FNDC1: variants seen among roughly 807,000 people sequenced by gnomAD.
FNDC1 encodes fibronectin type III domain-containing protein 1.
FNDC1 carries 96 observed loss-of-function variants against 168.0 expected under a neutral mutation model. The observed-to-expected ratio is 0.57, with a 90% CI of 0.48 to 0.68. The LOEUF (loss-of-function observed/expected upper bound fraction) is 0.68. Among genes scored for constraint, FNDC1 ranks in the 30% least tolerant of loss-of-function variants. The probability of loss-of-function intolerance (pLI) is 0.00; values close to 1 mark genes in which losing one functional copy is unlikely to be tolerated. For missense variants in FNDC1, 2,587 were observed against 2,482.1 expected, an observed-to-expected ratio of 1.04 and a Z score of -0.90; for synonymous variants, 1,099 against 1,025.9, an observed-to-expected ratio of 1.07 and a Z score of -1.36.
chr6:159,267,735 CA>C (rs957468521), intron 21 of FNDC1, 68 bp from the exon 22 acceptor site: 14 of 1,574,440 alleles, frequency 8.9e-6, no homozygotes, highest in African/African-American at 4.1e-5. Flanking sequence ...AAAGCTTGTG[CA>C]AAAAAACTCC....
chr6:159,266,347 G>C (rs1385768514), intron 21 of FNDC1, 102 bp downstream of exon 21: 2 of 1,207,002 alleles, frequency 1.7e-6, no homozygotes, highest in Non-Finnish European at 2.4e-6. Context: ...ATGAGGGCTG[G>C]AGCTACGACT....
At position 159,180,842 on chromosome 6, in the gene FNDC1, A is replaced by G. The variant is rs1431311071; in HGVS notation, c.109+11137A>G. On this transcript the variant is annotated intron_variant, in intron 1 of 22. Coordinates refer to ENST00000297267, the MANE Select transcript of FNDC1 (RefSeq NM_032532.3). Reference sequence around the variant, plus strand: ...CCTTCTTATGGCTGCATAGTACTCCATGGTGTATATGTCCCGCATTTTAAA... The same window carrying G: ...CCTTCTTATGGCTGCATAGTACTCCGTGGTGTATATGTCCCGCATTTTAAA... Among the ~76,000 whole-genome samples, 3 of 152,284 alleles carry G rather than the reference A, an allele frequency of 2.0e-5. No homozygotes were observed. In the East Asian group the frequency reaches 5.8e-4, roughly 29 times the overall value.
intron 4 of FNDC1, among the ~76,000 whole-genome samples, 164 bp downstream of exon 4, chr6:159,200,745 A>G (rs992593929): frequency 6.6e-6 from 1 of 152,208 alleles, no homozygotes; most frequent in African/African-American, 2.4e-5. Flanking sequence ...TCTGCATCCA[A>G]TGAACTAGAC....
chr6:159,263,302 G>A (rs1219943394), intron 19 of FNDC1, among the ~76,000 whole-genome samples: 1 of 152,178 alleles, frequency 6.6e-6, no homozygotes, highest in Non-Finnish European at 1.5e-5. Flanking sequence ...AGATTTGGGG[G>A]TGATGGAAAC....
Position 159,249,124 on chromosome 6 carries a change from C to T in FNDC1, c.4776C>T (p.Gly1592=), listed in dbSNP as rs201671338. 9.1e-5 allele frequency: 147 copies of T among 1,610,172 alleles called. No individual in the cohort carries two copies. In the East Asian group the frequency reaches 1.1e-3, roughly 12 times the overall value. ...CACCGAGGGTGATCCCAGAGGAAGG[C>T]GCCATCAGTTCCTTTCCTGAAGAAG... ...ATTPRVIPEE[G]AISSFPEEEF... Residue 1592 remains glycine, a synonymous_variant, in exon 16 of 23, where the codon GGC becomes GGT. Coordinates refer to ENST00000297267, the MANE Select transcript of FNDC1 (RefSeq NM_032532.3).
At chr6:159,226,269 C>T (rs1782953609) in intron 8 of FNDC1, among the ~76,000 whole-genome samples, 1 of 152,126 alleles carries the variant, frequency 6.6e-6, no homozygotes, top group Admixed American at 6.5e-5. Flanking sequence ...CTAGATAGGT[C>T]TAAACTCACT....
chr6:159,173,291 A>G (rs2114913463), intron 1 of FNDC1, among the ~76,000 whole-genome samples: 1 of 152,258 alleles, frequency 6.6e-6, no homozygotes, highest in South Asian at 2.1e-4. Context: ...GCGCTTCAGA[A>G]TAGGTCAATT....
rs1781603390 is a variant in FNDC1 at position 159,169,552 on chromosome 6, C to G, written c.-45C>G. ...CTCCCCAGACTCCGGCCAGCGCCCCCCTGCCAGCCGCAAGCACCCAGCCCC... is the reference window on the plus strand; with the variant it reads ...CTCCCCAGACTCCGGCCAGCGCCCCGCTGCCAGCCGCAAGCACCCAGCCCC... On this transcript the variant is annotated 5_prime_UTR_variant, in exon 1 of 23. Coordinates refer to ENST00000297267, the MANE Select transcript of FNDC1 (RefSeq NM_032532.3). The surrounding 1 kb of genome is among the most constrained non-coding windows in gnomAD (Gnocchi z 6.8). The G allele has an allele frequency of 4.5e-6, 3 of 665,570 alleles. No homozygotes were observed. Among genetic ancestry groups the G allele is most frequent in the Non-Finnish European group, 5.8e-6 (3 of 516,696 alleles). 41.2% of individuals were successfully genotyped at this position (665,570 alleles called of 1,614,324 possible). A position where few individuals can be genotyped will look rare whatever the true frequency, so the allele number is the denominator to read the frequency against.
Position 159,214,926 on chromosome 6 carries a change from G to T in FNDC1, c.461-19G>T. ...AGTGGTCTACTGTCTAACCACTTTT[G>T]TGTCCTGCCCTCTTTAAGAAAAGGA... On this transcript the variant is annotated intron_variant, in intron 4 of 22. Transcript: ENST00000297267. 6.2e-7 allele frequency: 1 copy of T among 1,612,668 alleles called. No homozygotes were observed. The highest frequency in any genetic ancestry group is 1.1e-5 in the South Asian group (1 of 90,990).
intron 5 of FNDC1, 138 bp from the exon 6 acceptor site, chr6:159,221,460 A>C (rs971428545): frequency 3.8e-5 from 25 of 666,120 alleles, no homozygotes; most frequent in Non-Finnish European, 6.1e-5. Context: ...GTCCTCAAGA[A>C]GTGGGAATAC....
intron 1 of FNDC1, among the ~76,000 whole-genome samples, chr6:159,188,524 G>A (rs575151634): frequency 2.1e-4 from 32 of 149,854 alleles, no homozygotes; most frequent in African/African-American, 7.1e-4. Flanking sequence ...ACAGGTGCCC[G>A]CCACCAGGCC....
At position 159,216,182 on chromosome 6, in the gene FNDC1, G is replaced by A. The variant is rs564951477; in HGVS notation, c.667+1031G>A. Among the ~76,000 whole-genome samples the A allele has an allele frequency of 7.2e-3, 1,101 of 152,212 alleles. 6 individuals are homozygous for A. The highest frequency in any genetic ancestry group is 0.013 in the Non-Finnish European group (858 of 68,002). On this transcript the variant is annotated intron_variant, in intron 5 of 22. Transcript: ENST00000297267. ...TCACCATGTTGGCCAGGCTGGTCTC[G>A]AACTCCTGAATTCAGATGATCCACC... is the stretch of plus-strand genomic sequence containing the variant.
chr6:159,234,494 CAA>C lies in FNDC1; in HGVS notation c.3967+17_3967+18del, dbSNP rs1410838038. 1 of 1,611,946 alleles carries C rather than the reference CAA, an allele frequency of 6.2e-7. No individual in the cohort carries two copies. The highest frequency in any genetic ancestry group is 2.2e-5 in the East Asian group (1 of 44,880). On this transcript the variant is annotated intron_variant, in intron 11 of 22. Coordinates refer to ENST00000297267, the MANE Select transcript of FNDC1 (RefSeq NM_032532.3). ...TTACAGACAAGGTAGTTTATTTTTTCAAACAGTCTTTCTTTAAGGTGTTCAGT... is the reference window on the plus strand; with the variant it reads ...TTACAGACAAGGTAGTTTATTTTTTCACAGTCTTTCTTTAAGGTGTTCAGT...
Position 159,205,886 on chromosome 6 carries a change from A to T in FNDC1, c.460+5305A>T, listed in dbSNP as rs192854075. On this transcript the variant is annotated intron_variant, in intron 4 of 22. Transcript: ENST00000297267. ...ATATTAGTGAAGGAAGAAATGCTAA[A>T]TTGTAATTTCTGCATTTTGAGAATG... Among the ~76,000 whole-genome samples, 163 of 152,336 alleles carry T rather than the reference A, an allele frequency of 1.1e-3. 1 individual carries two copies. The highest frequency in any genetic ancestry group is 1.4e-3 in the Non-Finnish European group (95 of 68,026).
chr6:159,172,824 C>T (rs549458644), intron 1 of FNDC1, among the ~76,000 whole-genome samples: 3 of 152,290 alleles, frequency 2.0e-5, no homozygotes, highest in Admixed American at 6.5e-5. Flanking sequence ...AAATAGTTGT[C>T]CAGCTACACA....
At chr6:159,252,981 G>T (rs1438100618) in intron 17 of FNDC1, among the ~76,000 whole-genome samples, 1 of 152,146 alleles carries the variant, frequency 6.6e-6, no homozygotes, top group African/African-American at 2.4e-5. Context: ...CCCAACAAAT[G>T]TCTCTGAGAC....
chr6:159,188,417 C>T (rs1253885304), intron 1 of FNDC1, among the ~76,000 whole-genome samples: 3 of 149,800 alleles, frequency 2.0e-5, no homozygotes, highest in Non-Finnish European at 4.4e-5. Context: ...CTCTGTTGCC[C>T]AGGCTGGAGT....
chr6:159,254,707 CAAAAA>C (rs61644137), intron 17 of FNDC1, among the ~76,000 whole-genome samples: 4,040 of 92,596 alleles, frequency 0.044, 123 homozygotes, highest in Non-Finnish European at 0.067. Context: ...GACTTCGTCT[CAAAAA>C]AAAAAAAAAA....
chr6:159,169,620 C>A lies in FNDC1; in HGVS notation c.24C>A (p.Thr8=). Residue 8 remains threonine, a synonymous_variant, in exon 1 of 23, where the codon ACC becomes ACA. Transcript: ENST00000297267. This position sits in a 1 kb window ranked among gnomAD's most constrained non-coding sequence, Gnocchi z 6.8. Reference sequence around the variant, plus strand: ...CGATGGCCCCCGAGGCCGGGGCGACCCTGCGCGCGCCGCGCCGGCTGTCCT... The same window carrying A: ...CGATGGCCCCCGAGGCCGGGGCGACACTGCGCGCGCCGCGCCGGCTGTCCT... MAPEAGA[T]LRAPRRLSWA... The A allele has an allele frequency of 2.6e-6, 3 of 1,135,708 alleles. No homozygotes were observed. Among genetic ancestry groups the A allele is most frequent in the Non-Finnish European group, 3.2e-6 (3 of 927,396 alleles). The allele number at this position is 1,135,708 out of a possible 1,614,324, so 70.4% of individuals were successfully genotyped here.
Sources: gnomAD v4.1 joint callset for allele counts (sites outside exome capture counted in the v4.1 genomes callset) on GRCh38, gnomAD v4.1.1 for gene constraint, Gnocchi (gnomAD v3.1) non-coding constraint, MANE v1.5 for transcripts, NCBI Gene and HGNC (gene_info 2026-07-23, HGNC 2026-07-21) for gene names.